The following ZNF385D variants were observed in gnomAD, a reference collection of about 807,000 sequenced individuals.
ZNF385D encodes the protein zinc finger protein 385D.
A neutral mutation model predicts 35.8 loss-of-function variants in ZNF385D; 15 were observed. The ratio of observed to expected loss-of-function variants is 0.42; its 90% CI spans 0.28 to 0.64. The LOEUF (loss-of-function observed/expected upper bound fraction) is 0.64. ZNF385D is among the 30% of genes least tolerant of loss of function. The probability of loss-of-function intolerance (pLI) is 0.23; values close to 1 mark genes in which losing one functional copy is unlikely to be tolerated. For missense variants in ZNF385D, 474 were observed against 494.6 expected, an observed-to-expected ratio of 0.96 and a Z score of 0.39; for synonymous variants, 212 against 186.8, an observed-to-expected ratio of 1.13 and a Z score of -1.10.
intron 2 of ZNF385D, among the ~76,000 whole-genome samples, chr3:22,337,798 T>TGTTA (rs1327348096): frequency 1.3e-5 from 2 of 152,218 alleles, no homozygotes; most frequent in Admixed American, 1.3e-4. Flanking sequence ...AATGGAACCA[T>TGTTA]GTTAGTTATA....
intron 3 of ZNF385D, among the ~76,000 whole-genome samples, chr3:21,918,533 T>G (rs991164878): frequency 3.3e-5 from 5 of 152,178 alleles, no homozygotes; most frequent in African/African-American, 1.2e-4. Flanking sequence ...CAAATTGGAT[T>G]ATATGTGAAA....
intron 2 of ZNF385D, among the ~76,000 whole-genome samples, chr3:22,240,370 C>T (rs895753066): frequency 2.0e-5 from 3 of 150,836 alleles, no homozygotes; most frequent in Non-Finnish European, 4.4e-5. Context: ...GAAACCTGAC[C>T]AGGTATCTCC....
intron 2 of ZNF385D, among the ~76,000 whole-genome samples, chr3:21,585,298 A>C (rs2063777930): frequency 6.6e-6 from 1 of 152,176 alleles, no homozygotes; most frequent in South Asian, 2.1e-4. Context: ...ACTTCCTCTG[A>C]AATCTTCTGG....
intron 3 of ZNF385D, among the ~76,000 whole-genome samples, chr3:21,853,196 A>T (rs1189880171): frequency 1.3e-5 from 2 of 151,882 alleles, no homozygotes. Flanking sequence ...TTGGTGTTAT[A>T]TATTCTTACC....
At chr3:21,488,122 T>A (rs532413099) in intron 4 of ZNF385D, among the ~76,000 whole-genome samples, 33 of 152,164 alleles carry the variant, frequency 2.2e-4, no homozygotes, top group Non-Finnish European at 3.8e-4. Flanking sequence ...TATTTTTTTT[T>A]AACTATTTGA....
Position 21,646,192 on chromosome 3 carries a change from G to A in ZNF385D, c.165+18694C>T, listed in dbSNP as rs569309422. On this transcript the variant is annotated intron_variant, in intron 2 of 7. Transcript: ENST00000281523. The surrounding 1 kb of genome is among the most constrained non-coding windows in gnomAD (Gnocchi z 4.3). ...GGAAGGGAGATGTATAATTTTTAGGGTGTCAAAACCGGCCATGTAAGTATA... is the reference window on the plus strand; with the variant it reads ...GGAAGGGAGATGTATAATTTTTAGGATGTCAAAACCGGCCATGTAAGTATA... Among the ~76,000 whole-genome samples the A allele has an allele frequency of 3.3e-5, 5 of 152,182 alleles. No individual in the cohort carries two copies. In the South Asian group the frequency reaches 8.3e-4, roughly 25 times the overall value.
intron 3 of ZNF385D, among the ~76,000 whole-genome samples, chr3:21,954,952 T>C (rs1243177357): frequency 6.6e-6 from 1 of 152,102 alleles, no homozygotes; most frequent in South Asian, 2.1e-4. Context: ...TGCAAGGCTG[T>C]CTAGCCTTCG....
chr3:21,828,207 T>G (rs986232854), intron 3 of ZNF385D, among the ~76,000 whole-genome samples: 2 of 152,214 alleles, frequency 1.3e-5, no homozygotes, highest in African/African-American at 2.4e-5. Context: ...GATAAAATAT[T>G]CCTTTTAAAC....
At chr3:21,794,612 T>G (rs1243670189) in intron 3 of ZNF385D, among the ~76,000 whole-genome samples, 1 of 152,130 alleles carries the variant, frequency 6.6e-6, no homozygotes, top group East Asian at 1.9e-4. Flanking sequence ...TCTCACAGGA[T>G]GGAAGGGGCT....
At chr3:21,636,714 T>A (rs916564109) in intron 2 of ZNF385D, among the ~76,000 whole-genome samples, 1 of 151,674 alleles carries the variant, frequency 6.6e-6, no homozygotes, top group Non-Finnish European at 1.5e-5. Context: ...CAAATGTTAA[T>A]CTCCTTTGGC....
At chr3:21,781,425 T>A (rs983080704) in intron 3 of ZNF385D, among the ~76,000 whole-genome samples, 3 of 152,066 alleles carry the variant, frequency 2.0e-5, no homozygotes, top group Non-Finnish European at 4.4e-5. Flanking sequence ...CATCTGAAAG[T>A]AAATCTGGCA....
chr3:21,454,913 G>A (rs953237933), intron 4 of ZNF385D, among the ~76,000 whole-genome samples: 1 of 152,068 alleles, frequency 6.6e-6, no homozygotes, highest in South Asian at 2.1e-4. Flanking sequence ...AAATCAATGT[G>A]CAAAAATCAC....
intron 2 of ZNF385D, among the ~76,000 whole-genome samples, chr3:22,261,140 C>T (rs1052604981): frequency 5.3e-5 from 8 of 151,858 alleles, no homozygotes; most frequent in Admixed American, 2.6e-4. Flanking sequence ...CACCGACCTA[C>T]CTTTCTACTC....
At chr3:21,745,641 G>A (rs13078263) in intron 1 of ZNF385D, among the ~76,000 whole-genome samples, 7,454 of 152,268 alleles carry the variant, frequency 0.049, 212 homozygotes, top group Middle Eastern at 0.068. Flanking sequence ...ATCTTTTTGG[G>A]AAATGATATG....
intron 3 of ZNF385D, among the ~76,000 whole-genome samples, chr3:22,094,248 T>C (rs1701481483): frequency 6.6e-6 from 1 of 151,382 alleles, no homozygotes; most frequent in Admixed American, 6.6e-5. Context: ...AAAATTCTCA[T>C]GGCTATGTGA....
intron 3 of ZNF385D, among the ~76,000 whole-genome samples, chr3:21,865,463 G>C (rs555632477): frequency 1.3e-5 from 2 of 152,218 alleles, no homozygotes; most frequent in South Asian, 2.1e-4. Flanking sequence ...AATGGGTCCA[G>C]GGGGATAGAG....
chr3:21,720,873 A>G (rs887974191), intron 1 of ZNF385D, among the ~76,000 whole-genome samples: 3 of 152,182 alleles, frequency 2.0e-5, no homozygotes, highest in African/African-American at 7.2e-5. Context: ...AATGATTTCC[A>G]TATGGTGACA....
intron 3 of ZNF385D, among the ~76,000 whole-genome samples, chr3:21,881,914 G>C (rs577772307): frequency 6.6e-6 from 1 of 152,140 alleles, no homozygotes; most frequent in East Asian, 1.9e-4. Context: ...GAAATAGTAA[G>C]AGAACTAGAA....
chr3:21,709,760 G>A (rs919890211), intron 1 of ZNF385D, among the ~76,000 whole-genome samples: 13 of 152,134 alleles, frequency 8.5e-5, no homozygotes, highest in African/African-American at 2.7e-4. Context: ...TATAAAGTTA[G>A]ATATACACTT....
Sources: allele counts gnomAD v4.1 joint callset (sites outside exome capture counted in the v4.1 genomes callset), GRCh38; gene constraint gnomAD v4.1.1; non-coding constraint Gnocchi (gnomAD v3.1); transcripts MANE v1.5; gene names NCBI Gene and HGNC (gene_info 2026-07-23, HGNC 2026-07-21).